The following KDM4C variants were observed in gnomAD, a reference collection of about 807,000 sequenced individuals.
The protein encoded by KDM4C is lysine demethylase 4C, also known as lysine-specific demethylase 4C.
KDM4C carries 81 observed loss-of-function variants against 129.3 expected under a neutral mutation model. That is an observed-to-expected ratio of 0.63 (90% CI 0.52 to 0.75). KDM4C has a LOEUF of 0.75. KDM4C is among the 30% of genes least tolerant of loss of function. The pLI, the probability that KDM4C is intolerant of heterozygous loss-of-function variation, is 0.00. For synonymous variants in KDM4C, 573 were observed against 456.1 expected, an observed-to-expected ratio of 1.26 and a Z score of -3.26; for missense variants, 1,457 against 1,304.0, an observed-to-expected ratio of 1.12 and a Z score of -1.81.
intron 17 of KDM4C, among the ~76,000 whole-genome samples, chr9:7,052,087 A>T (rs897251028): frequency 6.6e-6 from 1 of 152,252 alleles, no homozygotes; most frequent in Admixed American, 6.5e-5. Flanking sequence ...TCTTGGTTGG[A>T]AGAACTGAAT....
intron 1 of KDM4C, among the ~76,000 whole-genome samples, chr9:6,750,525 C>G (rs1457424230): frequency 6.6e-6 from 1 of 151,718 alleles, no homozygotes; most frequent in African/African-American, 2.4e-5. Flanking sequence ...GTTGAAATAG[C>G]CAAAACACCA....
intron 15 of KDM4C, among the ~76,000 whole-genome samples, chr9:7,027,888 G>T (rs1826058417): frequency 6.6e-6 from 1 of 152,194 alleles, no homozygotes; most frequent in Non-Finnish European, 1.5e-5. Context: ...CAGGCTCATG[G>T]AGAATACTGC....
chr9:6,950,392 A>AT (rs1827917584), intron 8 of KDM4C, among the ~76,000 whole-genome samples: 2 of 151,950 alleles, frequency 1.3e-5, no homozygotes, highest in African/African-American at 4.8e-5. Flanking sequence ...TTTTGGTTTT[A>AT]TTTTTCCCTG....
chr9:7,024,941 G>T (rs1825556830), intron 15 of KDM4C, among the ~76,000 whole-genome samples: 1 of 152,186 alleles, frequency 6.6e-6, no homozygotes, highest in Non-Finnish European at 1.5e-5. Context: ...CTAGTTTACA[G>T]TCCCACCAAC....
chr9:6,899,442 C>T (rs993244075), intron 8 of KDM4C, among the ~76,000 whole-genome samples: 6 of 152,038 alleles, frequency 3.9e-5, no homozygotes, highest in African/African-American at 1.5e-4. Flanking sequence ...GTTGTACATT[C>T]AGTGGGTTTG....
chr9:6,828,731 C>T (rs916653351), intron 4 of KDM4C, among the ~76,000 whole-genome samples: 6 of 151,948 alleles, frequency 3.9e-5, no homozygotes, highest in Admixed American at 6.6e-5. Context: ...ATTAGCCGGG[C>T]GTGGTGACAC....
At chr9:6,920,669 A>G (rs1376966187) in intron 8 of KDM4C, among the ~76,000 whole-genome samples, 1 of 152,224 alleles carries the variant, frequency 6.6e-6, no homozygotes, top group Non-Finnish European at 1.5e-5. Flanking sequence ...ATTACCAGGG[A>G]GAGTGAATGA....
chr9:7,048,070 A>T (rs990698730), intron 16 of KDM4C, among the ~76,000 whole-genome samples: 1 of 152,088 alleles, frequency 6.6e-6, no homozygotes, highest in Non-Finnish European at 1.5e-5. Context: ...GTTCTTCCAC[A>T]GTCCTGGTTG....
intron 15 of KDM4C, among the ~76,000 whole-genome samples, chr9:7,035,498 C>T (rs895149164): frequency 1.3e-5 from 2 of 151,226 alleles, no homozygotes; most frequent in Admixed American, 1.3e-4. Context: ...TGATATATCC[C>T]ATTTGTTTAT....
intron 17 of KDM4C, among the ~76,000 whole-genome samples, chr9:7,087,688 G>GAATAAGGAATGCTACAA (rs1835294424): frequency 6.6e-6 from 1 of 152,138 alleles, no homozygotes; most frequent in South Asian, 2.1e-4. Flanking sequence ...AATTTAAAGG[G>GAATAAGGAATGCTACAA]AATAAGGAAT....
intron 4 of KDM4C, among the ~76,000 whole-genome samples, chr9:6,820,714 C>CTTTTTTTTTTT (rs35264767): frequency 7.9e-6 from 1 of 127,168 alleles, no homozygotes. Flanking sequence ...CTCTCTCTCT[C>CTTTTTTTTTTT]TTTTTTTTTT....
rs1436792602 is a variant in KDM4C at position 6,988,073 on chromosome 9, C to T, written c.1677+1407C>T. 1.1e-4 allele frequency among the ~76,000 whole-genome samples: 16 copies of T among 145,376 alleles called. No homozygotes were observed. In the South Asian group the frequency reaches 1.3e-3, roughly 12 times the overall value. Reference sequence around the variant, plus strand: ...GGGAGGCTAAGGTAGGAGGATCACTCGAGCTCAGGAATTCAAGGCTGCAGT... The same window carrying T: ...GGGAGGCTAAGGTAGGAGGATCACTTGAGCTCAGGAATTCAAGGCTGCAGT... On this transcript the variant is annotated intron_variant, in intron 11 of 21. Transcript: ENST00000381309.
intron 5 of KDM4C, among the ~76,000 whole-genome samples, chr9:6,866,999 GTATATA>G (rs1180539811): frequency 3.4e-4 from 19 of 55,136 alleles, no homozygotes; most frequent in East Asian, 5.1e-3. Context: ...GTGTGTGTGT[GTATATA>G]TATATATATA....
chr9:6,925,369 G>T, intron 8 of KDM4C: 1 of 985,264 alleles, frequency 1.0e-6, no homozygotes, highest in Non-Finnish European at 1.2e-6. Flanking sequence ...GAGAAGCTCA[G>T]TTCTCTTTGT....
At chr9:6,955,710 A>G (rs1364009220) in intron 8 of KDM4C, among the ~76,000 whole-genome samples, 2 of 152,180 alleles carry the variant, frequency 1.3e-5, no homozygotes, top group African/African-American at 4.8e-5. Flanking sequence ...GCTCCTTGCC[A>G]CATTTGCCTT....
At chr9:7,130,537 A>G (rs1163022284) in intron 19 of KDM4C, among the ~76,000 whole-genome samples, 2 of 152,214 alleles carry the variant, frequency 1.3e-5, no homozygotes, top group African/African-American at 4.8e-5. Context: ...TCTGGAGCGC[A>G]TGCCATTTAA....
chr9:6,782,678 G>A (rs999407940), intron 1 of KDM4C, among the ~76,000 whole-genome samples: 1 of 152,152 alleles, frequency 6.6e-6, no homozygotes, highest in Non-Finnish European at 1.5e-5. Flanking sequence ...AGGGGTCTTT[G>A]AGGAGGGAGG....
At chr9:6,849,760 A>G in intron 5 of KDM4C, 60 bp downstream of exon 5, 10 of 1,314,830 alleles carry the variant, frequency 7.6e-6, no homozygotes, top group Middle Eastern at 3.9e-4. Flanking sequence ...CATCAGGCAC[A>G]TATTGAAGAG....
intron 19 of KDM4C, among the ~76,000 whole-genome samples, chr9:7,132,975 A>G (rs895451789): frequency 2.0e-5 from 3 of 152,248 alleles, no homozygotes; most frequent in Non-Finnish European, 4.4e-5. Flanking sequence ...TGAAAGAAGC[A>G]TGAAAACAAT....
Sources: allele counts gnomAD v4.1 joint callset (sites outside exome capture counted in the v4.1 genomes callset), GRCh38; gene constraint gnomAD v4.1.1; transcripts MANE v1.5; gene names NCBI Gene and HGNC (gene_info 2026-07-23, HGNC 2026-07-21).